The following FREM3 variants were observed in gnomAD, a reference collection of about 807,000 sequenced individuals.
The protein encoded by FREM3 is FRAS1 related extracellular matrix 3.
In FREM3, 105 loss-of-function variants were observed where a neutral mutation model predicts 129.1. That is an observed-to-expected ratio of 0.81 (90% CI 0.69 to 0.96). FREM3 has a LOEUF of 0.96. Ranked by LOEUF, FREM3 falls within the 40% of genes least tolerant of loss-of-function variation. The pLI is 0.00. For synonymous variants in FREM3, 1,014 were observed against 1,044.9 expected (o/e 0.97, Z 0.57); for missense variants, 2,593 against 2,666.3 (o/e 0.97, Z 0.61).
Position 143,585,906 on chromosome 4 carries a change from TC to T in FREM3, c.6115del (p.Asp2039IlefsTer46). On this transcript the variant is annotated frameshift_variant, in exon 7 of 8. Coordinates refer to ENST00000329798, the MANE Select transcript of FREM3 (RefSeq NM_001168235.2). LOFTEE classifies it high-confidence loss of function. This position sits in a 1 kb window ranked among gnomAD's most constrained non-coding sequence, Gnocchi z 4.2. Reference sequence around the variant, plus strand: ...GGCGATGGATGATGGTTGGGAAAGATCAGTGCCTCTTCTCCAAACACAAACC... The same window carrying T: ...GGCGATGGATGATGGTTGGGAAAGATAGTGCCTCTTCTCCAAACACAAACC... ...VEVCVWRRGT[D>X]LSQPSSIAVR... 6.5e-7 allele frequency: 1 copy of T among 1,537,394 alleles called. No homozygotes were observed. The highest frequency in any genetic ancestry group is 1.4e-5 in the African/African-American group (1 of 73,164).
At chr4:143,587,476 T>C (rs1333610163) in intron 6 of FREM3, among the ~76,000 whole-genome samples, 1 of 152,188 alleles carries the variant, frequency 6.6e-6, no homozygotes, top group Non-Finnish European at 1.5e-5. Context: ...AGTAATTGTA[T>C]GTATTTATGG....
At chr4:143,639,185 G>A (rs970142617) in intron 2 of FREM3, among the ~76,000 whole-genome samples, 5 of 152,178 alleles carry the variant, frequency 3.3e-5, no homozygotes, top group African/African-American at 9.6e-5. Context: ...CATAGAAGGA[G>A]ATAGTATTTG....
chr4:143,639,516 G>A (rs1578846226), intron 2 of FREM3, among the ~76,000 whole-genome samples: 2 of 152,030 alleles, frequency 1.3e-5, no homozygotes, highest in East Asian at 3.9e-4. Context: ...GATTCTTTCT[G>A]CCCCCCTTAG....
At chr4:143,588,513 G>C (rs922356521) in intron 6 of FREM3, among the ~76,000 whole-genome samples, 1 of 151,706 alleles carries the variant, frequency 6.6e-6, no homozygotes, top group Non-Finnish European at 1.5e-5. Context: ...TTCTCCTCGC[G>C]ATAGTTTGCT....
At position 143,627,821 on chromosome 4, in the gene FREM3, T is replaced by G. The variant is rs182045061; in HGVS notation, c.5276-61A>C. The G allele has an allele frequency of 1.3e-5, 14 of 1,098,262 alleles. No individual in the cohort carries two copies. The African/African-American group carries it at 1.9e-4, about 15-fold the overall frequency. The allele number at this position is 1,098,262 out of a possible 1,614,324, so 68.0% of individuals were successfully genotyped here. On this transcript the variant is annotated intron_variant, in intron 2 of 7. Transcript: ENST00000329798. Reference sequence around the variant, plus strand: ...AGTATTTGATGGCAATATTCAATGATCAATGTGTGCATTTTACTTCTGAAA... The same window carrying G: ...AGTATTTGATGGCAATATTCAATGAGCAATGTGTGCATTTTACTTCTGAAA...
At position 143,697,921 on chromosome 4, in the gene FREM3, C is replaced by T. The variant is rs971516296; in HGVS notation, c.2755G>A (p.Val919Ile). 3.9e-6 allele frequency: 6 copies of T among 1,537,788 alleles called. No individual in the cohort carries two copies. Among genetic ancestry groups the T allele is most frequent in the Non-Finnish European group, 4.4e-6 (5 of 1,147,072 alleles). ...GGTATATGGTGCACCCCATCACTTA[C>T]TTCCAGATGGAAAGTGTCACTGGTA... ...TTTSDTFHLE[V>I]SDGVHHIPIT... The change falls in exon 1 of 8, where the codon GTA becomes ATA. Residue 919 changes from valine to isoleucine, a missense_variant. Coordinates refer to ENST00000329798, the MANE Select transcript of FREM3 (RefSeq NM_001168235.2).
chr4:143,666,920 A>G (rs1300989163), intron 2 of FREM3, among the ~76,000 whole-genome samples: 2 of 152,172 alleles, frequency 1.3e-5, no homozygotes, highest in South Asian at 2.1e-4. Flanking sequence ...ATAATATACT[A>G]AAAACCATTG....
chr4:143,641,271 A>G (rs1304962081), intron 2 of FREM3, among the ~76,000 whole-genome samples: 3 of 152,202 alleles, frequency 2.0e-5, no homozygotes, highest in Non-Finnish European at 4.4e-5. Context: ...TGATTCATAG[A>G]TATGAGGAAA....
intron 7 of FREM3, among the ~76,000 whole-genome samples, chr4:143,578,952 G>A (rs1364072409): frequency 6.6e-6 from 1 of 151,686 alleles, no homozygotes; most frequent in South Asian, 2.1e-4. Flanking sequence ...AGTGTATCAA[G>A]TTAATTTCTC....
In FREM3 at chr4:143,588,941, T is replaced by C. The variant is rs1285264066; in HGVS notation, c.6029-2948A>G. ...ACTTTTTAATGATCACCATTCTAAC[T>C]GGTGTGAGATGGTATCTCATTGTGG... is the stretch of plus-strand genomic sequence containing the variant. On this transcript the variant is annotated intron_variant, in intron 6 of 7. Transcript: ENST00000329798. 2.0e-5 allele frequency among the ~76,000 whole-genome samples: 3 copies of C among 151,824 alleles called. No individual in the cohort carries two copies. In the East Asian group the frequency reaches 5.8e-4, roughly 29 times the overall value.
At chr4:143,619,942 A>G (rs1172092890) in intron 5 of FREM3, among the ~76,000 whole-genome samples, 2 of 152,206 alleles carry the variant, frequency 1.3e-5, no homozygotes, top group African/African-American at 4.8e-5. Context: ...TCCCTTGCTG[A>G]CATATCAACA....
intron 2 of FREM3, among the ~76,000 whole-genome samples, chr4:143,684,997 G>A (rs1472242714): frequency 6.6e-6 from 1 of 152,008 alleles, no homozygotes; most frequent in African/African-American, 2.4e-5. Context: ...CAAGAAGTCT[G>A]GGATTATGTT....
intron 6 of FREM3, among the ~76,000 whole-genome samples, chr4:143,603,941 T>C (rs1466871876): frequency 6.6e-6 from 1 of 152,194 alleles, no homozygotes; most frequent in East Asian, 1.9e-4. Context: ...TTGGATATTG[T>C]TCCTTCCAAA....
At chr4:143,599,034 C>G (rs750194926) in intron 6 of FREM3, among the ~76,000 whole-genome samples, 4 of 152,148 alleles carry the variant, frequency 2.6e-5, no homozygotes, top group African/African-American at 9.7e-5. Flanking sequence ...GGGAGTCTTA[C>G]AGCTGGTTTT....
At chr4:143,596,558 T>C (rs57356340) in intron 6 of FREM3, among the ~76,000 whole-genome samples, 3,572 of 151,868 alleles carry the variant, frequency 0.024, 143 homozygotes, top group African/African-American at 0.081. Flanking sequence ...AGATGATGAG[T>C]TTGGTTATAG....
chr4:143,663,241 T>A (rs1490243122), intron 2 of FREM3, among the ~76,000 whole-genome samples: 4 of 152,134 alleles, frequency 2.6e-5, no homozygotes, highest in Admixed American at 6.6e-5. Context: ...CTTTCCATGT[T>A]TAGTGCTTCC....
At chr4:143,577,950 C>G in intron 7 of FREM3, 98 bp from the exon 8 acceptor site, 1 of 1,255,200 alleles carries the variant, frequency 8.0e-7, no homozygotes. Context: ...GCGGCATTCA[C>G]CTTTGTACCC....
chr4:143,589,160 G>A (rs1160312795), intron 6 of FREM3, among the ~76,000 whole-genome samples: 1 of 152,082 alleles, frequency 6.6e-6, no homozygotes, highest in Non-Finnish European at 1.5e-5. Flanking sequence ...AGATGAGTAG[G>A]TTGCAAAAAT....
At chr4:143,678,865 G>A (rs1740197542) in intron 2 of FREM3, among the ~76,000 whole-genome samples, 1 of 150,712 alleles carries the variant, frequency 6.6e-6, no homozygotes, top group Non-Finnish European at 1.5e-5. Flanking sequence ...TATATATGAT[G>A]AACTGTATTT....
Sources: allele counts gnomAD v4.1 joint callset (sites outside exome capture counted in the v4.1 genomes callset), GRCh38; gene constraint gnomAD v4.1.1; non-coding constraint Gnocchi (gnomAD v3.1); transcripts MANE v1.5; gene names NCBI Gene and HGNC (gene_info 2026-07-23, HGNC 2026-07-21).